Variants in STKLD1 observed in about 807,000 individuals in gnomAD.
STKLD1 encodes the protein serine/threonine kinase-like domain-containing protein STKLD1.
A neutral mutation model predicts 80.4 loss-of-function variants in STKLD1; 79 were observed. The observed-to-expected ratio is 0.98, with a 90% CI of 0.82 to 1.19. The LOEUF (loss-of-function observed/expected upper bound fraction) is 1.19. Among genes scored for constraint, STKLD1 ranks in the 50% most tolerant of loss-of-function variants. STKLD1 has a pLI of 0.00. For synonymous variants in STKLD1, 393 were observed against 357.6 expected, an observed-to-expected ratio of 1.10 and a Z score of -1.12; for missense variants, 841 against 856.0, an observed-to-expected ratio of 0.98 and a Z score of 0.22.
chr9:133,387,234 T>C (rs2130279038), intron 4 of STKLD1, among the ~76,000 whole-genome samples: 1 of 151,814 alleles, frequency 6.6e-6, no homozygotes, highest in Non-Finnish European at 1.5e-5. Context: ...TTGGTGTGGA[T>C]GGAGTGTGGA....
chr9:133,380,543 A>G (rs1257297769), intron 2 of STKLD1, among the ~76,000 whole-genome samples: 1 of 152,072 alleles, frequency 6.6e-6, no homozygotes, highest in African/African-American at 2.4e-5. Flanking sequence ...AGTCCCAGCT[A>G]CTTGGGAGCT....
At chr9:133,403,623 G>A (rs1446585212) in intron 14 of STKLD1, 77 bp from the exon 15 acceptor site, 1 of 1,536,070 alleles carries the variant, frequency 6.5e-7, no homozygotes, top group Non-Finnish European at 8.8e-7. Flanking sequence ...GAGGAAGGCA[G>A]CAGATGGGGG....
intron 13 of STKLD1, 112 bp downstream of exon 13, chr9:133,401,990 C>A: frequency 1.5e-6 from 2 of 1,331,920 alleles, no homozygotes; most frequent in Non-Finnish European, 2.0e-6. Flanking sequence ...AGTGCTGGGC[C>A]TCCTCCTGAG....
At position 133,389,377 on chromosome 9, in the gene STKLD1, C is replaced by A; in HGVS notation, c.397-149C>A. 1 of 1,449,020 alleles carries A rather than the reference C, an allele frequency of 6.9e-7. No individual in the cohort carries two copies. Among genetic ancestry groups the A allele is most frequent in the Non-Finnish European group, 9.1e-7 (1 of 1,098,308 alleles). The allele number at this position is 1,449,020 out of a possible 1,614,324, so 89.8% of individuals were successfully genotyped here. A position where few individuals can be genotyped will look rare whatever the true frequency, so the allele number is the denominator to read the frequency against. On this transcript the variant is annotated intron_variant, in intron 5 of 17. Coordinates refer to ENST00000371957, the MANE Select transcript of STKLD1 (RefSeq NM_153710.5). This position sits in a 1 kb window ranked among gnomAD's most constrained non-coding sequence, Gnocchi z 6.4. Reference sequence around the variant, plus strand: ...TGGAGAGCCACCACGCTGAAGCCTCCTCCACCCTGAGCGCTTGGCTGGCTT... The same window carrying A: ...TGGAGAGCCACCACGCTGAAGCCTCATCCACCCTGAGCGCTTGGCTGGCTT...
Position 133,394,260 on chromosome 9 carries a change from C to CG in STKLD1, c.584-31_584-30insG, listed in dbSNP as rs1554776360. 6.7e-7 allele frequency: 1 copy of CG among 1,491,118 alleles called. No homozygotes were observed. The highest frequency in any genetic ancestry group is 1.1e-5 in the South Asian group (1 of 88,702). 92.4% of individuals were successfully genotyped at this position (1,491,118 alleles called of 1,614,324 possible). ...GCCCCTGCCCCCAGGGAGCAAAGGA[C>CG]TCAGGGATCCCACCTTGCTTTTACC... On this transcript the variant is annotated intron_variant, in intron 7 of 17. Coordinates refer to ENST00000371957, the MANE Select transcript of STKLD1 (RefSeq NM_153710.5). The surrounding 1 kb of genome is among the most constrained non-coding windows in gnomAD (Gnocchi z 4.9).
intron 13 of STKLD1, 119 bp from the exon 14 acceptor site, chr9:133,402,759 G>GC (rs1838741198): frequency 8.6e-7 from 1 of 1,162,864 alleles, no homozygotes; most frequent in Non-Finnish European, 1.2e-6. Context: ...ACACGACTTG[G>GC]CCCAGAGCAG....
In STKLD1 at chr9:133,390,977, C is replaced by T. The variant is rs945824668; in HGVS notation, c.583+181C>T. The stretch of plus-strand genomic sequence containing the variant: ...CTCCTTTGGGTTGCAACTGAGCAGG[C>T]GTGCCACCACCAGGGCAGAGGCAGG... On this transcript the variant is annotated intron_variant, in intron 7 of 17. Coordinates refer to ENST00000371957, the MANE Select transcript of STKLD1 (RefSeq NM_153710.5). The surrounding 1 kb of genome is among the most constrained non-coding windows in gnomAD (Gnocchi z 5.1). Among the ~76,000 whole-genome samples the T allele has an allele frequency of 2.0e-5, 3 of 149,474 alleles. No individual in the cohort carries two copies. The highest frequency in any genetic ancestry group is 2.1e-4 in the South Asian group (1 of 4,826).
At chr9:133,401,223 C>T (rs1554777600) in intron 12 of STKLD1, among the ~76,000 whole-genome samples, 1 of 150,960 alleles carries the variant, frequency 6.6e-6, no homozygotes, top group East Asian at 1.9e-4. Context: ...AATGCAACCT[C>T]CACCTCCCAG....
chr9:133,383,954 CT>C, intron 3 of STKLD1, 54 bp downstream of exon 3: 2 of 1,522,086 alleles, frequency 1.3e-6, no homozygotes, highest in Non-Finnish European at 1.8e-6. Flanking sequence ...CATACACAGA[CT>C]GTGTTCTGTA....
chr9:133,390,867 G>T lies in STKLD1; in HGVS notation c.583+71G>T. On this transcript the variant is annotated intron_variant, in intron 7 of 17. Transcript: ENST00000371957. This position sits in a 1 kb window ranked among gnomAD's most constrained non-coding sequence, Gnocchi z 5.1. The stretch of plus-strand genomic sequence containing the variant: ...GAATCCAGGCGGCGTTGGCCACTCT[G>T]GGTGCTGGAGTGAGGCAACATCAAA... 1 of 1,173,080 alleles carries T rather than the reference G, an allele frequency of 8.5e-7. No homozygotes were observed. Among genetic ancestry groups the T allele is most frequent in the South Asian group, 1.2e-5 (1 of 80,962 alleles). The allele number at this position is 1,173,080 out of a possible 1,614,324, so 72.7% of individuals were successfully genotyped here. A position where few individuals can be genotyped will look rare whatever the true frequency, so the allele number is the denominator to read the frequency against.
At chr9:133,395,881 C>G in intron 9 of STKLD1, 118 bp downstream of exon 9, 2 of 999,836 alleles carry the variant, frequency 2.0e-6, no homozygotes, top group East Asian at 2.5e-5. Flanking sequence ...ATCACAGATG[C>G]CCTGATTATC....
chr9:133,401,376 T>C (rs1341600764), intron 12 of STKLD1, among the ~76,000 whole-genome samples: 2 of 152,108 alleles, frequency 1.3e-5, no homozygotes, highest in African/African-American at 4.8e-5. Context: ...GACATCGTGA[T>C]CCACCCGCCT....
chr9:133,400,265 C>T (rs1484700043), intron 11 of STKLD1, 148 bp from the exon 12 acceptor site: 2 of 642,012 alleles, frequency 3.1e-6, no homozygotes, highest in Non-Finnish European at 5.6e-6. Flanking sequence ...ACTCCATGGA[C>T]CTAGCGCTAA....
chr9:133,379,153 G>C, intron 2 of STKLD1, 31 bp downstream of exon 2: 1 of 1,588,522 alleles, frequency 6.3e-7, no homozygotes, highest in South Asian at 1.1e-5. Flanking sequence ...ATCCCATGCC[G>C]GGTGGTTCTG....
chr9:133,388,436 A>G (rs1838311790), intron 5 of STKLD1, among the ~76,000 whole-genome samples: 1 of 151,888 alleles, frequency 6.6e-6, no homozygotes, highest in Non-Finnish European at 1.5e-5. Flanking sequence ...TAATAGAGAC[A>G]AGGTTTTGCT....
chr9:133,400,335 C>A, intron 11 of STKLD1, 78 bp from the exon 12 acceptor site: 1 of 1,064,632 alleles, frequency 9.4e-7, no homozygotes, highest in South Asian at 1.3e-5. Flanking sequence ...TCCTACCAGC[C>A]TCTGGGGGCC....
Position 133,376,522 on chromosome 9 carries a change from G to C in STKLD1, c.49G>C (p.Gly17Arg), listed in dbSNP as rs2130248822. 2 of 1,601,652 alleles carry C rather than the reference G, an allele frequency of 1.2e-6. No homozygotes were observed. The highest frequency in any genetic ancestry group is 2.7e-5 in the African/African-American group (2 of 74,326). Residue 17 changes from glycine to arginine, a missense_variant, in exon 1 of 18, where the codon GGC becomes CGC. Gly to Arg is a moderately radical substitution (Grantham distance 125). Coordinates refer to ENST00000371957, the MANE Select transcript of STKLD1 (RefSeq NM_153710.5). ...NRRRPTQGER[G>R]PGSPGEPMEK... Reference sequence around the variant, plus strand: ...CAGGCGCCCCACGCAGGGGGAGCGAGGCCCAGGGTCCCCCGGAGAGCCCAT... The same window carrying C: ...CAGGCGCCCCACGCAGGGGGAGCGACGCCCAGGGTCCCCCGGAGAGCCCAT...
At chr9:133,377,687 T>C (rs189380710) in intron 1 of STKLD1, among the ~76,000 whole-genome samples, 146 of 151,816 alleles carry the variant, frequency 9.6e-4, no homozygotes, top group African/African-American at 3.3e-3. Context: ...AAAATAGCAG[T>C]CCCCAACCTT....
chr9:133,386,924 G>C (rs1225715540), intron 4 of STKLD1, among the ~76,000 whole-genome samples: 1 of 152,220 alleles, frequency 6.6e-6, no homozygotes, highest in Non-Finnish European at 1.5e-5. Context: ...GCGGGTCTTG[G>C]GGAGGGGACC....
Sources: gnomAD v4.1 joint callset for allele counts (sites outside exome capture counted in the v4.1 genomes callset) on GRCh38, gnomAD v4.1.1 for gene constraint, Gnocchi (gnomAD v3.1) non-coding constraint, MANE v1.5 for transcripts, NCBI Gene and HGNC (gene_info 2026-07-23, HGNC 2026-07-21) for gene names.